The following NEBL variants were observed in gnomAD, a reference collection of about 807,000 sequenced individuals.
NEBL encodes nebulette.
In NEBL, 122 loss-of-function variants were observed where a neutral mutation model predicts 140.2. The observed-to-expected ratio is 0.87, with a 90% CI of 0.75 to 1.01. The LOEUF (loss-of-function observed/expected upper bound fraction) is 1.01. Ranked by LOEUF, NEBL falls within the 50% of genes least tolerant of loss-of-function variation. The probability of loss-of-function intolerance (pLI) is 0.00; values close to 1 mark genes in which losing one functional copy is unlikely to be tolerated. For missense variants in NEBL, 1,365 were observed against 1,231.3 expected, an observed-to-expected ratio of 1.11 and a Z score of -1.62; for synonymous variants, 436 against 398.9, an observed-to-expected ratio of 1.09 and a Z score of -1.11.
At chr10:20,842,120 C>A (rs1270841852) in intron 12 of NEBL, among the ~76,000 whole-genome samples, 1 of 151,932 alleles carries the variant, frequency 6.6e-6, no homozygotes, top group East Asian at 1.9e-4. Flanking sequence ...CCAGTTAATT[C>A]TAGGGTTCAT....
intron 1 of NEBL, among the ~76,000 whole-genome samples, chr10:21,274,190 C>A (rs760231570): frequency 1.3e-5 from 2 of 152,164 alleles, no homozygotes; most frequent in African/African-American, 2.4e-5. Flanking sequence ...CAAGAAGGAG[C>A]CCAGGTTCTC....
chr10:20,811,367 T>C (rs1588660455), intron 24 of NEBL, among the ~76,000 whole-genome samples: 1 of 152,316 alleles, frequency 6.6e-6, no homozygotes. Flanking sequence ...GTACAGACTT[T>C]AGCAGTTCCA....
chr10:21,247,662 T>G (rs1346542264), intron 3 of NEBL: 2 of 152,244 alleles, frequency 1.3e-5, no homozygotes, highest in Admixed American at 1.3e-4. Flanking sequence ...TGGTAACCAC[T>G]GTTGTGCTTC....
At chr10:21,177,153 G>A (rs947733821), upstream of NEBL, among the ~76,000 whole-genome samples, 8 of 152,228 alleles carry the variant, frequency 5.3e-5, no homozygotes, top group Non-Finnish European at 1.2e-4. Context: ...TGGAATGTGA[G>A]TGGACATGAC....
At chr10:21,064,412 AG>A (rs1835439592) in intron 2 of NEBL, among the ~76,000 whole-genome samples, 1 of 152,214 alleles carries the variant, frequency 6.6e-6, no homozygotes, top group Non-Finnish European at 1.5e-5. Flanking sequence ...CCACAATAAA[AG>A]TAAACACAAT....
At chr10:21,037,604 T>C (rs1003561781) in intron 2 of NEBL, among the ~76,000 whole-genome samples, 1 of 152,194 alleles carries the variant, frequency 6.6e-6, no homozygotes, top group Non-Finnish European at 1.5e-5. Flanking sequence ...AAATGTTCCA[T>C]ACCTTGATTG....
intron 26 of NEBL, among the ~76,000 whole-genome samples, chr10:20,803,246 C>T (rs181725154): frequency 1.6e-4 from 25 of 152,204 alleles, no homozygotes; most frequent in Admixed American, 1.4e-3. Context: ...TTTCAAATAG[C>T]TAGAAGGATG....
At chr10:21,013,167 C>G (rs146850708) in intron 3 of NEBL, among the ~76,000 whole-genome samples, 1 of 152,154 alleles carries the variant, frequency 6.6e-6, no homozygotes, top group Non-Finnish European at 1.5e-5. Context: ...ATCTGCTTAG[C>G]ACGCTGTGCT....
chr10:21,169,068 ATATATATATATATAT>A lies in NEBL; in HGVS notation c.164+3300_164+3314del, dbSNP rs1204065635. On this transcript the variant is annotated intron_variant, in intron 2 of 6. Coordinates refer to the NEBL transcript ENST00000417816. ...CGTCTACAAAAAAAAAAAAAAAAAA[ATATATATATATATAT>A]ATATATATATATATATATATATATT... Among the ~76,000 whole-genome samples the A allele has an allele frequency of 5.9e-3, 106 of 18,048 alleles. 5 individuals carry two copies. The highest frequency in any genetic ancestry group is 0.014 in the South Asian group (10 of 708). The allele number at this position is 18,048 out of a possible 152,430, so 11.8% of individuals were successfully genotyped here. A position where few individuals can be genotyped will look rare whatever the true frequency, so the allele number is the denominator to read the frequency against.
intron 13 of NEBL, among the ~76,000 whole-genome samples, chr10:20,838,057 A>G (rs1370442851): frequency 6.6e-6 from 1 of 152,216 alleles, no homozygotes; most frequent in Non-Finnish European, 1.5e-5. Flanking sequence ...CTCAACATCC[A>G]TTCTGCAGCC....
chr10:21,214,565 TACACACACGC>T (rs1403425272), intron 3 of NEBL, among the ~76,000 whole-genome samples: 1 of 146,464 alleles, frequency 6.8e-6, no homozygotes, highest in African/African-American at 2.5e-5. Context: ...GTGCACACAT[TACACACACGC>T]ACACATGCAC....
chr10:21,033,936 CG>C (rs950625450), intron 2 of NEBL, among the ~76,000 whole-genome samples: 2 of 151,572 alleles, frequency 1.3e-5, no homozygotes, highest in Admixed American at 6.6e-5. Flanking sequence ...GAGGCCGAGG[CG>C]GGTGGATTGC....
intron 3 of NEBL, among the ~76,000 whole-genome samples, chr10:21,211,992 T>C (rs1055266836): frequency 2.0e-4 from 31 of 151,678 alleles, no homozygotes; most frequent in African/African-American, 7.2e-4. Flanking sequence ...ATCACTCAAT[T>C]CTCTCTCTCT....
At chr10:21,080,345 T>G (rs190198359) in intron 2 of NEBL, among the ~76,000 whole-genome samples, 1 of 152,352 alleles carries the variant, frequency 6.6e-6, no homozygotes, top group East Asian at 1.9e-4. Flanking sequence ...GAGACATATA[T>G]TTTTGACTCT....
intron 3 of NEBL, among the ~76,000 whole-genome samples, chr10:21,009,938 C>T (rs1004424009): frequency 2.6e-5 from 4 of 152,098 alleles, no homozygotes; most frequent in Non-Finnish European, 4.4e-5. Flanking sequence ...TAAGGGCTAC[C>T]GCAGGCTGCT....
chr10:21,280,371 C>A (rs903008710), intron 1 of NEBL, among the ~76,000 whole-genome samples: 2 of 152,092 alleles, frequency 1.3e-5, no homozygotes, highest in African/African-American at 4.8e-5. Flanking sequence ...GGCAGTAGAA[C>A]AAAAGAATTG....
At chr10:21,032,570 T>C (rs1442142963) in intron 2 of NEBL, among the ~76,000 whole-genome samples, 1 of 152,184 alleles carries the variant, frequency 6.6e-6, no homozygotes, top group Non-Finnish European at 1.5e-5. Flanking sequence ...AAACCATCAA[T>C]TTTATAATTT....
At chr10:21,052,086 A>G (rs1159991657) in intron 2 of NEBL, among the ~76,000 whole-genome samples, 1 of 152,190 alleles carries the variant, frequency 6.6e-6, no homozygotes, top group South Asian at 2.1e-4. Context: ...TATGATAAAA[A>G]GTTTAAAAAA....
intron 3 of NEBL, among the ~76,000 whole-genome samples, chr10:21,243,227 T>C (rs930409623): frequency 6.6e-6 from 1 of 151,772 alleles, no homozygotes; most frequent in Non-Finnish European, 1.5e-5. Context: ...TTTGCGGACA[T>C]CTTGTCAACC....
Sources: gnomAD v4.1 joint callset for allele counts (sites outside exome capture counted in the v4.1 genomes callset) on GRCh38, gnomAD v4.1.1 for gene constraint, MANE v1.5 for transcripts, NCBI Gene and HGNC (gene_info 2026-07-23, HGNC 2026-07-21) for gene names.